HMG20A: variants seen among roughly 807,000 people sequenced by gnomAD.
The protein encoded by HMG20A is high mobility group 20A.
A neutral mutation model predicts 43.9 loss-of-function variants in HMG20A; 17 were observed. The observed-to-expected ratio is 0.39, with a 90% CI of 0.27 to 0.58. The LOEUF (loss-of-function observed/expected upper bound fraction) is 0.58. HMG20A is among the 20% of genes least tolerant of loss of function. HMG20A has a pLI of 0.59. For synonymous variants in HMG20A, 132 were observed against 147.5 expected (o/e 0.89, Z 0.76); for missense variants, 341 against 438.2 (o/e 0.78, Z 1.98).
downstream of HMG20A, among the ~76,000 whole-genome samples, chr15:77,488,446 C>A (rs1232513025): frequency 1.3e-5 from 2 of 152,036 alleles, no homozygotes; most frequent in African/African-American, 4.8e-5. Context: ...TTAATAGAGA[C>A]AAATAATTTT....
At chr15:77,480,290 C>T (rs751851299) in intron 9 of HMG20A, among the ~76,000 whole-genome samples, 1 of 151,706 alleles carries the variant, frequency 6.6e-6, no homozygotes, top group Non-Finnish European at 1.5e-5. Flanking sequence ...GAGCAAGACA[C>T]TGTCTCAAAA....
At chr15:77,465,898 C>G (rs370785663) in intron 3 of HMG20A, among the ~76,000 whole-genome samples, 1 of 152,136 alleles carries the variant, frequency 6.6e-6, no homozygotes, top group Non-Finnish European at 1.5e-5. Context: ...TTAACTGATA[C>G]GGCTGTATTT....
intron 7 of HMG20A, 30 bp from the exon 8 acceptor site, chr15:77,478,265 G>A: frequency 6.2e-7 from 1 of 1,607,736 alleles, no homozygotes; most frequent in Non-Finnish European, 8.5e-7. Context: ...TTCTAGTGCT[G>A]CATGTGTTCT....
chr15:77,507,543 G>A, the HMG20A span, among the ~76,000 whole-genome samples: 2 of 152,344 alleles, frequency 1.3e-5, no homozygotes, highest in South Asian at 4.1e-4. Context: ...GGACAAGGAA[G>A]TGGGACGCAA....
Position 77,483,680 on chromosome 15 carries a change from T to G in HMG20A, c.*717T>G, listed in dbSNP as rs538050379. On this transcript the variant is annotated 3_prime_UTR_variant, in exon 10 of 10. Coordinates refer to ENST00000336216, the MANE Select transcript of HMG20A (RefSeq NM_001304504.2). ...TGCCCTAAAGGAGAATGCTCTTTCCTTCCTCACTGGTACTGCCTGCTGTTT... is the reference window on the plus strand; with the variant it reads ...TGCCCTAAAGGAGAATGCTCTTTCCGTCCTCACTGGTACTGCCTGCTGTTT... 66 of 152,960 alleles carry G rather than the reference T, an allele frequency of 4.3e-4. 2 individuals are homozygous for G. The highest frequency in any genetic ancestry group is 2.7e-3 in the South Asian group (13 of 4,820). The allele number at this position is 152,960 out of a possible 1,614,324, so 9.5% of individuals were successfully genotyped here. A position where few individuals can be genotyped will look rare whatever the true frequency, so the allele number is the denominator to read the frequency against.
chr15:77,465,260 CAAAAAAAAAAAAAAAAAAA>C (rs71145837), intron 3 of HMG20A, among the ~76,000 whole-genome samples: 1 of 59,188 alleles, frequency 1.7e-5, no homozygotes, highest in Admixed American at 2.3e-4. Context: ...GACTTCGTCT[CAAAAAAAAAAAAAAAAAAA>C]AAAAAAGAAA....
intron 1 of HMG20A, among the ~76,000 whole-genome samples, chr15:77,426,509 A>G (rs1226342654): frequency 6.6e-6 from 1 of 152,168 alleles, no homozygotes; most frequent in Non-Finnish European, 1.5e-5. Flanking sequence ...GATTATCATA[A>G]AGGTATTCAT....
At chr15:77,446,221 ATTC>A (rs529852753) in intron 1 of HMG20A, among the ~76,000 whole-genome samples, 5 of 152,104 alleles carry the variant, frequency 3.3e-5, no homozygotes, top group Admixed American at 6.6e-5. Context: ...AACCCATTCA[ATTC>A]TTCTTTCTCT....
rs762779624 is a variant in HMG20A, at chr15:77,478,352, A to G, written c.749A>G (p.Asn250Ser). The G allele has an allele frequency of 3.1e-6, 5 of 1,613,710 alleles. No individual in the cohort carries two copies. The highest frequency in any genetic ancestry group is 1.7e-5 in the Admixed American group (1 of 60,022). The change falls in exon 8 of 10, where the codon AAT becomes AGT. Residue 250 changes from asparagine (N) to serine (S), a missense_variant. Physicochemically the swap from Asn to Ser is conservative, Grantham distance 46. Around this residue, in one of 3 missense-constraint regions of HMG20A, gnomAD observed 118 missense variants for 154.5 expected, o/e 0.76. Transcript: ENST00000336216. ...RKSNMEFEER[N>S]AALQKHVESM... ...TCCAACATGGAGTTTGAGGAGAGGA[A>G]TGCAGCCCTGCAAAAGCACGTGGAG...
At chr15:77,423,682 C>T (rs768635333) in intron 1 of HMG20A, among the ~76,000 whole-genome samples, 5 of 152,070 alleles carry the variant, frequency 3.3e-5, no homozygotes, top group Admixed American at 3.3e-4. Flanking sequence ...TTAGATTATC[C>T]ACAGAGATGT....
the HMG20A span, among the ~76,000 whole-genome samples, chr15:77,509,743 T>C: frequency 2.0e-5 from 3 of 151,590 alleles, no homozygotes; most frequent in Non-Finnish European, 4.4e-5. Flanking sequence ...CCGTCTCTAC[T>C]AAAAATACAG....
intron 1 of HMG20A, among the ~76,000 whole-genome samples, chr15:77,423,236 T>A (rs1278225036): frequency 1.3e-5 from 2 of 152,160 alleles, no homozygotes; most frequent in African/African-American, 4.8e-5. Flanking sequence ...AGGTATTTTG[T>A]GATAAGTGGC....
intron 6 of HMG20A, 139 bp downstream of exon 6, chr15:77,471,953 G>T: frequency 1.9e-6 from 1 of 535,734 alleles, no homozygotes; most frequent in Non-Finnish European, 3.2e-6. Flanking sequence ...AGATACTTTA[G>T]CTTGGGGGTT....
chr15:77,443,669 G>C (rs891941345), intron 1 of HMG20A, among the ~76,000 whole-genome samples: 4 of 151,358 alleles, frequency 2.6e-5, no homozygotes, highest in African/African-American at 9.7e-5. Context: ...TGAATATTTT[G>C]ATGTATTTCC....
chr15:77,513,476 C>T, the HMG20A span, among the ~76,000 whole-genome samples: 2 of 152,196 alleles, frequency 1.3e-5, no homozygotes, highest in Non-Finnish European at 2.9e-5. Context: ...GCCTGGGCCA[C>T]CTTAACAGAA....
intron 1 of HMG20A, among the ~76,000 whole-genome samples, chr15:77,432,722 C>CAAAAAA (rs34459644): frequency 1.2e-4 from 9 of 77,640 alleles, no homozygotes; most frequent in Non-Finnish European, 1.6e-4. Flanking sequence ...AACTCCGACT[C>CAAAAAA]AAAAAAAAAA....
intron 4 of HMG20A, among the ~76,000 whole-genome samples, chr15:77,468,385 T>A (rs1337930046): frequency 6.6e-6 from 1 of 152,218 alleles, no homozygotes; most frequent in Non-Finnish European, 1.5e-5. Context: ...GTGTTTGTTT[T>A]TGTTTTTTTA....
In HMG20A at chr15:77,467,156, G is replaced by A. The variant is rs1820266222; in HGVS notation, c.299G>A (p.Ser100Asn). ...AAGAGGAAGAAACCTCTTCGAGACA[G>A]CAATGCACCCAAATCCCCCCTTACA... ...GRKRKKPLRDSNAPKSPLTGY... is the reference protein window; with the variant it reads ...GRKRKKPLRDNNAPKSPLTGY... Residue 100 changes from serine to asparagine, a missense_variant, in exon 4 of 10, where the codon AGC (serine) becomes AAC (asparagine). Ser to Asn is a conservative substitution (Grantham distance 46). Around this residue, in one of 3 missense-constraint regions of HMG20A, gnomAD observed 220 missense variants for 263.6 expected, o/e 0.83. Transcript: ENST00000336216. The A allele has an allele frequency of 6.2e-7, 1 of 1,614,012 alleles. No individual in the cohort carries two copies.
At chr15:77,513,802 G>C in the HMG20A span, among the ~76,000 whole-genome samples, 1 of 150,436 alleles carries the variant, frequency 6.6e-6, no homozygotes, top group Non-Finnish European at 1.5e-5. Context: ...CTTGACTCAC[G>C]GCAACCTCCA....
Sources: gnomAD v4.1 joint callset for allele counts (sites outside exome capture counted in the v4.1 genomes callset) on GRCh38, gnomAD v4.1.1 for gene constraint, gnomAD v4.1.1 regional missense constraint, MANE v1.5 for transcripts, NCBI Gene and HGNC (gene_info 2026-07-23, HGNC 2026-07-21) for gene names.